Variants in BRDT observed in about 807,000 individuals in gnomAD.
BRDT encodes bromodomain testis associated.
A neutral mutation model predicts 113.9 loss-of-function variants in BRDT; 77 were observed. That is an observed-to-expected ratio of 0.68 (90% CI 0.56 to 0.82). The LOEUF is 0.82. Ranked by LOEUF, BRDT falls within the 40% of genes least tolerant of loss-of-function variation. BRDT has a pLI of 0.00. For missense variants in BRDT, 1,027 were observed against 1,105.4 expected, an observed-to-expected ratio of 0.93 and a Z score of 1.01; for synonymous variants, 358 against 366.5, an observed-to-expected ratio of 0.98 and a Z score of 0.26.
Position 91,981,078 on chromosome 1 carries a change from T to C in BRDT, c.1650T>C (p.Asp550=). The C allele has an allele frequency of 1.9e-6, 3 of 1,613,836 alleles. No homozygotes were observed. The highest frequency in any genetic ancestry group is 2.5e-6 in the Non-Finnish European group (3 of 1,179,754). Residue 550 remains aspartate, a synonymous_variant, in exon 10 of 19, where the codon GAT becomes GAC. Transcript: ENST00000399546. ...REPSLSNSNP[D]EIEIDFETLK... ...CTTCTCTGAGCAATTCCAATCCTGA[T>C]GAGATAGAGATAGACTTTGAAACAC...
At chr1:91,963,005 A>G in intron 2 of BRDT, 59 bp downstream of exon 2, 1 of 1,317,234 alleles carries the variant, frequency 7.6e-7, no homozygotes, top group Non-Finnish European at 1.0e-6. Flanking sequence ...AAATTTCTGT[A>G]AGACATAACT....
intron 12 of BRDT, among the ~76,000 whole-genome samples, chr1:91,989,425 A>G (rs925917026): frequency 5.3e-5 from 8 of 152,060 alleles, no homozygotes; most frequent in East Asian, 1.9e-4. Context: ...CAGTGGTGCA[A>G]TCTCGGCTCA....
At chr1:91,970,910 C>CAA (rs56365341) in intron 4 of BRDT, among the ~76,000 whole-genome samples, 14 of 113,912 alleles carry the variant, frequency 1.2e-4, no homozygotes, top group African/African-American at 4.1e-4. Context: ...GACCCTTTCT[C>CAA]AAAAAAAAAA....
chr1:92,005,232 A>G lies in BRDT; in HGVS notation c.2708A>G (p.Lys903Arg), dbSNP rs934518239. ...TCATCAGAAGCTCAAGATAAATCCA[A>G]ACTCTGGCTTCTCAAAGACCGTGAT... ...QQSSEAQDKSKLWLLKDRDLA... is the reference protein window; with the variant it reads ...QQSSEAQDKSRLWLLKDRDLA... Residue 903 changes from lysine to arginine, a missense_variant, in exon 18 of 19, where the codon AAA becomes AGA. Coordinates refer to ENST00000399546, the MANE Select transcript of BRDT (RefSeq NM_207189.4). 3 of 1,595,098 alleles carry G rather than the reference A, an allele frequency of 1.9e-6. No homozygotes were observed. The South Asian group carries it at 3.4e-5, about 18-fold the overall frequency.
intron 1 of BRDT, among the ~76,000 whole-genome samples, chr1:91,953,975 TTTG>T (rs1247014917): frequency 6.6e-6 from 1 of 151,672 alleles, no homozygotes; most frequent in Admixed American, 6.6e-5. Context: ...TTTTGTTTGT[TTTG>T]TTTTGTTTTT....
rs1371865804 is a variant in BRDT at position 91,978,234 on chromosome 1, A to G, written c.1036A>G (p.Met346Val). The G allele has an allele frequency of 1.2e-6, 2 of 1,614,150 alleles. No homozygotes were observed. The highest frequency in any genetic ancestry group is 8.5e-7 in the Non-Finnish European group (1 of 1,180,008). Residue 346 changes from methionine to valine, a missense_variant, in exon 7 of 19, where the codon ATG becomes GTG. Met to Val is a conservative substitution (Grantham distance 21, BLOSUM62 1). Coordinates refer to ENST00000399546, the MANE Select transcript of BRDT (RefSeq NM_207189.4). The stretch of plus-strand genomic sequence containing the variant: ...TGCGGCAGATGTTAGATTAATGTTC[A>G]TGAATTGCTACAAGTACAATCCTCC... ...KFAADVRLMFMNCYKYNPPDH... is the reference protein window; with the variant it reads ...KFAADVRLMFVNCYKYNPPDH...
intron 2 of BRDT, 41 bp from the exon 3 acceptor site, chr1:91,964,586 A>G: frequency 8.0e-7 from 1 of 1,244,040 alleles, no homozygotes; most frequent in Non-Finnish European, 1.1e-6. Context: ...GTTGTAGTGT[A>G]TTCATTCTTA....
At chr1:91,955,866 A>AT (rs1259352032) in intron 1 of BRDT, among the ~76,000 whole-genome samples, 3 of 152,216 alleles carry the variant, frequency 2.0e-5, no homozygotes, top group Non-Finnish European at 4.4e-5. Flanking sequence ...AGTGACAATG[A>AT]TATCAGAATT....
chr1:92,011,905 C>G (rs780014536), intron 18 of BRDT, among the ~76,000 whole-genome samples: 16 of 152,186 alleles, frequency 1.1e-4, no homozygotes, highest in Non-Finnish European at 2.4e-4. Context: ...TGCCAGTTAC[C>G]TTGACCAAAC....
At chr1:91,971,686 TAGTA>T (rs1302166732) in intron 4 of BRDT, among the ~76,000 whole-genome samples, 1 of 152,192 alleles carries the variant, frequency 6.6e-6, no homozygotes, top group Non-Finnish European at 1.5e-5. Flanking sequence ...AATATTCTAG[TAGTA>T]AGTGAGAGAC....
At chr1:91,992,150 A>G in intron 13 of BRDT, 114 bp from the exon 14 acceptor site, 1 of 535,396 alleles carries the variant, frequency 1.9e-6, no homozygotes, top group Non-Finnish European at 3.0e-6. Flanking sequence ...AGGTTAGGGA[A>G]ACACAATAAT....
intron 12 of BRDT, among the ~76,000 whole-genome samples, chr1:91,986,092 T>C (rs947765971): frequency 1.3e-5 from 2 of 152,242 alleles, no homozygotes; most frequent in Admixed American, 1.3e-4. Flanking sequence ...TAAAATCTTT[T>C]AAAATGATTT....
intron 18 of BRDT, 82 bp downstream of exon 18, chr1:92,005,381 C>T (rs1687208864): frequency 1.3e-5 from 16 of 1,273,608 alleles, no homozygotes; most frequent in Non-Finnish European, 1.7e-5. Context: ...TTCAAGGATG[C>T]ATTTGGGGTA....
chr1:91,991,836 C>CA (rs1384319847), intron 13 of BRDT, among the ~76,000 whole-genome samples: 25 of 103,032 alleles, frequency 2.4e-4, no homozygotes, highest in Non-Finnish European at 4.2e-4. Flanking sequence ...ACTAAAAATA[C>CA]AAAAAATTAG....
chr1:91,969,778 T>C (rs1305718033), intron 4 of BRDT, among the ~76,000 whole-genome samples: 1 of 151,928 alleles, frequency 6.6e-6, no homozygotes, highest in Non-Finnish European at 1.5e-5. Flanking sequence ...TAGCTGCAAC[T>C]TAACTTTCAA....
intron 18 of BRDT, among the ~76,000 whole-genome samples, chr1:92,008,846 A>T (rs7518878): frequency 0.067 from 10,176 of 152,260 alleles, 401 homozygotes; most frequent in African/African-American, 0.096. Flanking sequence ...GCTGAATTTT[A>T]AAAAATTAAT....
At chr1:91,986,210 A>G (rs893676829) in intron 12 of BRDT, among the ~76,000 whole-genome samples, 1 of 152,234 alleles carries the variant, frequency 6.6e-6, no homozygotes, top group Non-Finnish European at 1.5e-5. Context: ...GCTAGTATGC[A>G]CACATAAGCT....
chr1:91,959,262 A>T (rs779841997), intron 1 of BRDT, among the ~76,000 whole-genome samples: 3 of 152,070 alleles, frequency 2.0e-5, no homozygotes, highest in Non-Finnish European at 4.4e-5. Flanking sequence ...TAGTGATTGG[A>T]GTGGTTAACC....
At chr1:91,981,489 C>G (rs772024912) in intron 11 of BRDT, 108 bp downstream of exon 11, 169 of 1,519,398 alleles carry the variant, frequency 1.1e-4, no homozygotes, top group Middle Eastern at 9.9e-4. Flanking sequence ...ATGTGATCCT[C>G]CACCTTGGCC....
Sources: allele counts gnomAD v4.1 joint callset (sites outside exome capture counted in the v4.1 genomes callset), GRCh38; gene constraint gnomAD v4.1.1; transcripts MANE v1.5; gene names NCBI Gene and HGNC (gene_info 2026-07-23, HGNC 2026-07-21).